Variants in PDE4D observed in about 807,000 individuals in gnomAD.
PDE4D encodes the protein phosphodiesterase 4D.
PDE4D carries 24 observed loss-of-function variants against 87.4 expected under a neutral mutation model. That is an observed-to-expected ratio of 0.27 (90% CI 0.20 to 0.39). PDE4D has a LOEUF of 0.39. Among genes scored for constraint, PDE4D ranks in the 10% least tolerant of loss-of-function variants. The pLI is 1.00. For missense variants in PDE4D, 714 were observed against 1,041.0 expected (o/e 0.69, Z 4.32); for synonymous variants, 384 against 383.2 (o/e 1.00, Z -0.02).
intron 1 of PDE4D, chr5:60,460,345 G>A: frequency 2.0e-6 from 2 of 989,770 alleles, no homozygotes; most frequent in Non-Finnish European, 3.3e-6. Flanking sequence ...TCTGTAACCT[G>A]ATTTAATATC....
At chr5:60,504,279 A>G (rs1456956536) in intron 1 of PDE4D, among the ~76,000 whole-genome samples, 1 of 150,734 alleles carries the variant, frequency 6.6e-6, no homozygotes. Flanking sequence ...TTTTGCTTCC[A>G]TGATCTTGCA....
At chr5:59,277,210 C>T (rs1764987146) in intron 1 of PDE4D, among the ~76,000 whole-genome samples, 1 of 152,152 alleles carries the variant, frequency 6.6e-6, no homozygotes, top group Non-Finnish European at 1.5e-5. Context: ...ACAACAAACC[C>T]TTCATCTGCT....
intron 3 of PDE4D, among the ~76,000 whole-genome samples, chr5:59,903,597 A>G (rs1291115885): frequency 2.0e-5 from 3 of 152,290 alleles, no homozygotes; most frequent in African/African-American, 7.2e-5. Flanking sequence ...TAAATTGACA[A>G]CTACTACTTA....
At chr5:60,211,593 T>C (rs1743235581) in intron 1 of PDE4D, among the ~76,000 whole-genome samples, 1 of 150,408 alleles carries the variant, frequency 6.6e-6, no homozygotes, top group African/African-American at 2.4e-5. Flanking sequence ...TATATTTTTA[T>C]TTATATTATA....
At chr5:59,418,210 A>G (rs1158305251) in intron 1 of PDE4D, among the ~76,000 whole-genome samples, 1 of 152,174 alleles carries the variant, frequency 6.6e-6, no homozygotes, top group African/African-American at 2.4e-5. Context: ...CAAAATCTTT[A>G]ATAGCTCACC....
intron 1 of PDE4D, among the ~76,000 whole-genome samples, chr5:59,706,375 C>T (rs1481053994): frequency 6.6e-6 from 1 of 152,096 alleles, no homozygotes; most frequent in African/African-American, 2.4e-5. Context: ...AAGACCTTTT[C>T]AGCCACTAGC....
intron 3 of PDE4D, among the ~76,000 whole-genome samples, chr5:59,930,165 A>G (rs1380432813): frequency 6.2e-5 from 4 of 64,866 alleles, no homozygotes; most frequent in Admixed American, 3.4e-4. Flanking sequence ...TCCGTCTCCA[A>G]AAAAAAAAAA....
chr5:59,943,144 A>G (rs1240469057), intron 3 of PDE4D, among the ~76,000 whole-genome samples: 1 of 152,022 alleles, frequency 6.6e-6, no homozygotes, highest in Non-Finnish European at 1.5e-5. Context: ...TCTAGTTGAG[A>G]GAAAGGTTAA....
intron 1 of PDE4D, among the ~76,000 whole-genome samples, chr5:60,487,108 T>C (rs1749205116): frequency 6.6e-6 from 1 of 152,214 alleles, no homozygotes; most frequent in African/African-American, 2.4e-5. Context: ...GGTAATGAAA[T>C]GCTGATGTTT....
At chr5:59,936,899 G>A (rs1268202177) in intron 3 of PDE4D, among the ~76,000 whole-genome samples, 1 of 152,134 alleles carries the variant, frequency 6.6e-6, no homozygotes, top group Non-Finnish European at 1.5e-5. Context: ...GAGTTCCAAG[G>A]TTGAGGAGAA....
chr5:59,044,235 A>C (rs1299210849), intron 5 of PDE4D, among the ~76,000 whole-genome samples: 1 of 152,202 alleles, frequency 6.6e-6, no homozygotes, highest in African/African-American at 2.4e-5. Context: ...CTGACTTTTT[A>C]ATGATTGCCA....
At chr5:59,035,091 T>C (rs1758271944) in intron 6 of PDE4D, among the ~76,000 whole-genome samples, 1 of 152,200 alleles carries the variant, frequency 6.6e-6, no homozygotes, top group Admixed American at 6.5e-5. Flanking sequence ...CTGACTCCCA[T>C]CCTCAATATA....
intron 1 of PDE4D, among the ~76,000 whole-genome samples, chr5:59,331,187 T>C (rs1055343648): frequency 1.3e-5 from 2 of 152,210 alleles, no homozygotes; most frequent in African/African-American, 4.8e-5. Context: ...ACTTGCTCAT[T>C]GTAGTTTTTC....
At chr5:59,274,232 T>C (rs1416470910) in intron 1 of PDE4D, among the ~76,000 whole-genome samples, 1 of 152,092 alleles carries the variant, frequency 6.6e-6, no homozygotes, top group Non-Finnish European at 1.5e-5. Context: ...TTGTAAGAAA[T>C]GGCAAGTAAC....
At chr5:59,883,336 T>G (rs977366654) in intron 1 of PDE4D, among the ~76,000 whole-genome samples, 4 of 152,178 alleles carry the variant, frequency 2.6e-5, no homozygotes, top group Admixed American at 6.5e-5. Context: ...AGGCTGAACG[T>G]GGGATACAGG....
At chr5:59,271,567 AG>A in intron 1 of PDE4D, among the ~76,000 whole-genome samples, 1 of 152,224 alleles carries the variant, frequency 6.6e-6, no homozygotes. Flanking sequence ...TGTGATCATG[AG>A]GCCAAAATAA....
chr5:59,665,827 G>A (rs1263421792), intron 1 of PDE4D, among the ~76,000 whole-genome samples: 1 of 152,066 alleles, frequency 6.6e-6, no homozygotes. Flanking sequence ...TCCAAGTGAG[G>A]ACACAGCAAG....
At chr5:60,167,768 C>A (rs1427720037) in intron 2 of PDE4D, among the ~76,000 whole-genome samples, 1 of 152,088 alleles carries the variant, frequency 6.6e-6, no homozygotes, top group Non-Finnish European at 1.5e-5. Flanking sequence ...TGAGCTTTCT[C>A]AAACAGTTAT....
chr5:60,470,613 T>C lies in PDE4D; in HGVS notation c.-90+17329A>G, dbSNP rs114903587. ...GACCAATACAGGTGGTAGCTTTAAA[T>C]TGAAGCCAATTCTCATTTACAATTC... is the stretch of plus-strand genomic sequence containing the variant. On this transcript the variant is annotated intron_variant, in intron 1 of 16. Transcript: ENST00000502484. Among the ~76,000 whole-genome samples, 558 of 152,318 alleles carry C rather than the reference T, an allele frequency of 3.7e-3. 2 individuals are homozygous for C. Among genetic ancestry groups the C allele is most frequent in the African/African-American group, 0.013 (536 of 41,570 alleles).
Sources: gnomAD v4.1 joint callset for allele counts (sites outside exome capture counted in the v4.1 genomes callset) on GRCh38, gnomAD v4.1.1 for gene constraint, MANE v1.5 for transcripts, NCBI Gene and HGNC (gene_info 2026-07-23, HGNC 2026-07-21) for gene names.